The following ARID2 variants were observed in gnomAD, a reference collection of about 807,000 sequenced individuals.
ARID2 encodes AT-rich interaction domain 2, also known as AT-rich interactive domain-containing protein 2.
A neutral mutation model predicts 184.6 loss-of-function variants in ARID2; 32 were observed. The observed-to-expected ratio is 0.17, with a 90% CI of 0.13 to 0.23. ARID2 has a LOEUF of 0.23. Ranked by LOEUF, ARID2 falls within the 10% of genes least tolerant of loss-of-function variation. The pLI is 1.00. For missense variants in ARID2, 1,696 were observed against 2,197.6 expected (o/e 0.77, Z 4.56); for synonymous variants, 836 against 772.6 (o/e 1.08, Z -1.36).
chr12:45,856,758 A>G (rs890688364), intron 15 of ARID2, among the ~76,000 whole-genome samples: 1 of 152,222 alleles, frequency 6.6e-6, no homozygotes, highest in African/African-American at 2.4e-5. Flanking sequence ...AAAAGAATCT[A>G]TGTGAAAGTA....
At position 45,744,853 on chromosome 12, in the gene ARID2, G is replaced by A. The variant is rs376142221; in HGVS notation, c.284+13539G>A. On this transcript the variant is annotated intron_variant, in intron 3 of 20. Transcript: ENST00000334344. ...ATTAAATGTGTTATGTTTTTACATA[G>A]TATATTTGATCCTCACAATTAATCA... is the stretch of plus-strand genomic sequence containing the variant. Among the ~76,000 whole-genome samples the A allele has an allele frequency of 2.3e-3, 344 of 152,246 alleles. 12 individuals carry two copies. In the South Asian group the frequency reaches 0.067, roughly 30 times the overall value.
rs1488897561 is a variant in ARID2 at position 45,852,340 on chromosome 12, C to G, written c.4217C>G (p.Thr1406Ser). ...ACTTTAGATATCACTCAGCAAGATA[C>G]TGCCAAAGGTGATCAACTAGAAAGA... ...QGTLDITQQD[T>S]AKGDQLERIS... The change falls in exon 15 of 21, where the codon ACT becomes AGT. Residue 1406 changes from threonine (T) to serine (S), a missense_variant. Physicochemically the swap from Thr to Ser is moderately conservative, Grantham distance 58 (BLOSUM62 1). Around this residue, in one of 11 missense-constraint regions of ARID2, gnomAD observed 428 missense variants for 409.1 expected, o/e 1.05. Transcript: ENST00000334344. 1.2e-6 allele frequency: 2 copies of G among 1,614,184 alleles called. No homozygotes were observed. The highest frequency in any genetic ancestry group is 8.5e-7 in the Non-Finnish European group (1 of 1,180,010).
At chr12:45,865,168 T>A (rs919140154) in intron 16 of ARID2, among the ~76,000 whole-genome samples, 8 of 152,148 alleles carry the variant, frequency 5.3e-5, no homozygotes, top group African/African-American at 1.9e-4. Context: ...GGCAAGATAG[T>A]CTGTGTGTTT....
rs2136462221 is a variant in ARID2 at position 45,893,458 on chromosome 12, C to A, written c.5186C>A (p.Ala1729Glu). ...TVGGTSSTPR[A>E]QKAIVNHPSA... ...GGGGGCACAAGCTCAACTCCTAGAG[C>A]ACAAAAGGCCATTGTGAATCATCCC... The change falls in exon 19 of 21, where the codon GCA becomes GAA. Residue 1729 changes from alanine (A) to glutamate (E), a missense_variant. Ala to Glu is a moderately radical substitution (Grantham distance 107, BLOSUM62 -1). Around this residue, in one of 11 missense-constraint regions of ARID2, gnomAD observed 58 missense variants for 47.1 expected, o/e 1.23. Coordinates refer to ENST00000334344, the MANE Select transcript of ARID2 (RefSeq NM_152641.4). The A allele has an allele frequency of 6.2e-7, 1 of 1,614,000 alleles. No homozygotes were observed. The highest frequency in any genetic ancestry group is 8.5e-7 in the Non-Finnish European group (1 of 1,179,924).
At chr12:45,865,776 A>G (rs1229230508) in intron 16 of ARID2, among the ~76,000 whole-genome samples, 1 of 152,116 alleles carries the variant, frequency 6.6e-6, no homozygotes, top group Non-Finnish European at 1.5e-5. Flanking sequence ...CTCATACTAT[A>G]AGAGTAGTTT....
intron 8 of ARID2, 128 bp from the exon 9 acceptor site, chr12:45,837,193 G>T (rs1943235470): frequency 3.5e-6 from 4 of 1,131,764 alleles, no homozygotes; most frequent in Non-Finnish European, 4.9e-6. Context: ...TTCAGAAATG[G>T]CTATTTTTAC....
intron 18 of ARID2, among the ~76,000 whole-genome samples, chr12:45,892,677 G>T (rs529570435): frequency 1.6e-4 from 24 of 152,246 alleles, no homozygotes; most frequent in African/African-American, 5.3e-4. Context: ...TACAGTGTCA[G>T]AAATAGGGTT....
chr12:45,856,402 G>C (rs1943652058), intron 15 of ARID2, among the ~76,000 whole-genome samples: 2 of 152,168 alleles, frequency 1.3e-5, no homozygotes, highest in African/African-American at 2.4e-5. Context: ...TTGCATGTTA[G>C]ACCTTGGTTT....
intron 3 of ARID2, among the ~76,000 whole-genome samples, chr12:45,769,282 C>G (rs752772340): frequency 6.6e-6 from 1 of 151,888 alleles, no homozygotes; most frequent in Non-Finnish European, 1.5e-5. Context: ...AATAAAATCA[C>G]TATTAAGTAA....
intron 15 of ARID2, among the ~76,000 whole-genome samples, chr12:45,854,267 T>G (rs1002576083): frequency 6.6e-6 from 1 of 152,176 alleles, no homozygotes; most frequent in Non-Finnish European, 1.5e-5. Context: ...CATTATATAT[T>G]ACAGTGTAAT....
intron 3 of ARID2, among the ~76,000 whole-genome samples, chr12:45,802,849 G>A (rs1942531803): frequency 6.6e-6 from 1 of 152,042 alleles, no homozygotes; most frequent in Non-Finnish European, 1.5e-5. Flanking sequence ...AACACTTTTG[G>A]CATTGCCGAC....
chr12:45,798,132 A>G (rs1384167376), intron 3 of ARID2, among the ~76,000 whole-genome samples: 1 of 152,150 alleles, frequency 6.6e-6, no homozygotes, highest in East Asian at 1.9e-4. Flanking sequence ...AGATCTAACT[A>G]ATTTTCTCAC....
At chr12:45,772,212 C>G (rs181967811) in intron 3 of ARID2, among the ~76,000 whole-genome samples, 1 of 152,238 alleles carries the variant, frequency 6.6e-6, no homozygotes, top group African/African-American at 2.4e-5. Flanking sequence ...ACATGAGATA[C>G]ACACAGAACA....
At chr12:45,866,079 C>T (rs1303440356) in intron 16 of ARID2, among the ~76,000 whole-genome samples, 2 of 151,738 alleles carry the variant, frequency 1.3e-5, no homozygotes, top group Non-Finnish European at 2.9e-5. Context: ...TACATGTATA[C>T]TTTGTTTCTT....
At chr12:45,787,856 A>C (rs1468721798) in intron 3 of ARID2, among the ~76,000 whole-genome samples, 2 of 152,154 alleles carry the variant, frequency 1.3e-5, no homozygotes, top group African/African-American at 2.4e-5. Flanking sequence ...GCAAGATTTA[A>C]GGATTCAAAG....
intron 16 of ARID2, among the ~76,000 whole-genome samples, chr12:45,884,454 T>C (rs766795562): frequency 1.3e-5 from 2 of 152,284 alleles, no homozygotes; most frequent in Non-Finnish European, 2.9e-5. Context: ...CAAATCAGCT[T>C]TCATAGCACT....
rs559525698 is a variant in ARID2 at position 45,802,740 on chromosome 12, T to A, written c.285-8678T>A. Among the ~76,000 whole-genome samples, 80 of 151,716 alleles carry A rather than the reference T, an allele frequency of 5.3e-4. 1 individual carries two copies. The highest frequency in any genetic ancestry group is 8.5e-4 in the African/African-American group (35 of 41,354). On this transcript the variant is annotated intron_variant, in intron 3 of 20. Coordinates refer to ENST00000334344, the MANE Select transcript of ARID2 (RefSeq NM_152641.4). ...ACACTGTGTGGTAAAGAAAAAAAAATTTTTTTTCGTGAGTCAATTCATTAT... is the reference window on the plus strand; with the variant it reads ...ACACTGTGTGGTAAAGAAAAAAAAAATTTTTTTCGTGAGTCAATTCATTAT...
intron 16 of ARID2, among the ~76,000 whole-genome samples, chr12:45,889,287 TACTC>T (rs1293565697): frequency 1.3e-5 from 2 of 152,234 alleles, no homozygotes; most frequent in Non-Finnish European, 2.9e-5. Context: ...AACACATACA[TACTC>T]AGAGAAGGCT....
intron 5 of ARID2, among the ~76,000 whole-genome samples, chr12:45,820,306 C>T (rs748405929): frequency 6.6e-6 from 1 of 152,100 alleles, no homozygotes; most frequent in Non-Finnish European, 1.5e-5. Context: ...CTGTTTCTCA[C>T]CCTTTTAAAT....
Sources: allele counts gnomAD v4.1 joint callset (sites outside exome capture counted in the v4.1 genomes callset), GRCh38; gene constraint gnomAD v4.1.1; regional missense constraint gnomAD v4.1.1; transcripts MANE v1.5; gene names NCBI Gene and HGNC (gene_info 2026-07-23, HGNC 2026-07-21).